Variants in IMMP2L observed in about 807,000 individuals in gnomAD.
IMMP2L encodes the protein inner mitochondrial membrane peptidase subunit 2.
IMMP2L carries 18 observed loss-of-function variants against 19.3 expected under a neutral mutation model. The observed-to-expected ratio is 0.93, with a 90% CI of 0.64 to 1.38. IMMP2L has a LOEUF of 1.38. Ranked by LOEUF, IMMP2L falls within the 40% of genes most tolerant of loss-of-function variation. The pLI, the probability that IMMP2L is intolerant of heterozygous loss-of-function variation, is 0.00. For synonymous variants in IMMP2L, 76 were observed against 73.0 expected, an observed-to-expected ratio of 1.04 and a Z score of -0.21; for missense variants, 233 against 218.2, an observed-to-expected ratio of 1.07 and a Z score of -0.43.
At chr7:111,248,833 G>A (rs1270518215) in intron 3 of IMMP2L, among the ~76,000 whole-genome samples, 293 of 26,986 alleles carry the variant, frequency 0.011, 9 homozygotes, top group African/African-American at 0.063. Flanking sequence ...TAGGCTGCTC[G>A]GGGGTCAGGA....
chr7:110,818,549 G>A (rs1388090660), intron 5 of IMMP2L, among the ~76,000 whole-genome samples: 5 of 152,174 alleles, frequency 3.3e-5, no homozygotes, highest in South Asian at 2.1e-4. Flanking sequence ...TGTGGAAGTT[G>A]GTGTGGCGAT....
intron 3 of IMMP2L, among the ~76,000 whole-genome samples, chr7:111,335,701 G>A (rs1826330094): frequency 6.6e-6 from 1 of 152,070 alleles, no homozygotes; most frequent in Admixed American, 6.6e-5. Flanking sequence ...AAAAGAATGA[G>A]TTTGAGCTAC....
intron 4 of IMMP2L, among the ~76,000 whole-genome samples, chr7:110,925,559 T>G (rs1249883177): frequency 6.6e-6 from 1 of 152,090 alleles, no homozygotes; most frequent in African/African-American, 2.4e-5. Context: ...TTCTTTATAA[T>G]CTCCTGCTTC....
intron 3 of IMMP2L, among the ~76,000 whole-genome samples, chr7:111,205,137 C>T (rs1810559185): frequency 6.6e-6 from 1 of 152,162 alleles, no homozygotes; most frequent in Non-Finnish European, 1.5e-5. Flanking sequence ...TGTGTCTTCA[C>T]ATGGCAGAGG....
rs146178765 is a variant in IMMP2L, at chr7:110,824,201, AC to A, written c.408+62391del. On this transcript the variant is annotated intron_variant, in intron 5 of 5. Transcript: ENST00000405709. ...AAGACAAAAAATGGATACGTAAATA[AC>A]AAAATATGAAAGGGTATGAAATGAG... Among the ~76,000 whole-genome samples the A allele has an allele frequency of 3.3e-3, 500 of 152,258 alleles. 7 individuals carry two copies. The highest frequency in any genetic ancestry group is 0.011 in the African/African-American group (471 of 41,562).
chr7:110,885,013 G>A (rs1382164861), intron 5 of IMMP2L, among the ~76,000 whole-genome samples: 1 of 151,790 alleles, frequency 6.6e-6, no homozygotes, highest in Admixed American at 6.6e-5. Flanking sequence ...CATACTATGT[G>A]AAAGAAATTA....
chr7:110,824,369 C>A (rs1803279759), intron 5 of IMMP2L, among the ~76,000 whole-genome samples: 2 of 152,020 alleles, frequency 1.3e-5, no homozygotes, highest in African/African-American at 4.8e-5. Flanking sequence ...TTTTCTGCAG[C>A]TATTTTAATA....
At chr7:111,030,152 A>T (rs888952010) in intron 3 of IMMP2L, among the ~76,000 whole-genome samples, 19 of 152,156 alleles carry the variant, frequency 1.2e-4, no homozygotes, top group South Asian at 4.1e-4. Context: ...AATGACAAAG[A>T]TGTGCAGAGT....
chr7:110,846,452 G>A (rs772812434), intron 5 of IMMP2L, among the ~76,000 whole-genome samples: 8 of 148,610 alleles, frequency 5.4e-5, no homozygotes, highest in Non-Finnish European at 8.9e-5. Context: ...TGCAAATTCC[G>A]CCTCCCAGGT....
intron 3 of IMMP2L, among the ~76,000 whole-genome samples, chr7:111,015,334 A>T (rs903936171): frequency 6.6e-6 from 1 of 152,164 alleles, no homozygotes; most frequent in Non-Finnish European, 1.5e-5. Flanking sequence ...ATTCCATTTA[A>T]ATGAGGTATC....
intron 3 of IMMP2L, among the ~76,000 whole-genome samples, chr7:111,364,298 T>C (rs1301216272): frequency 2.6e-5 from 4 of 152,110 alleles, no homozygotes; most frequent in African/African-American, 9.7e-5. Flanking sequence ...AGTGTTCTTA[T>C]GTCATCTGCT....
chr7:110,900,677 C>A (rs1377346454), intron 4 of IMMP2L, among the ~76,000 whole-genome samples: 2 of 152,132 alleles, frequency 1.3e-5, no homozygotes, highest in Non-Finnish European at 2.9e-5. Context: ...ACATTTTGAG[C>A]CAAACAATAG....
intron 3 of IMMP2L, among the ~76,000 whole-genome samples, chr7:111,126,348 G>C (rs1562826838): frequency 6.6e-6 from 1 of 152,080 alleles, no homozygotes; most frequent in Non-Finnish European, 1.5e-5. Flanking sequence ...ATTAGTAGTA[G>C]AAGTTTAACA....
chr7:110,909,966 A>G lies in IMMP2L; in HGVS notation c.306-23271T>C, dbSNP rs573787226. On this transcript the variant is annotated intron_variant, in intron 4 of 5. Coordinates refer to ENST00000405709, the MANE Select transcript of IMMP2L (RefSeq NM_032549.4). ...AGAGAGAGAGACCATTAAAACAGTA[A>G]ATGTGCCAAGGAAGGAGATAGAATA... Among the ~76,000 whole-genome samples, 90 of 147,872 alleles carry G rather than the reference A, an allele frequency of 6.1e-4. 1 individual carries two copies. The highest frequency in any genetic ancestry group is 2.3e-3 in the African/African-American group (87 of 37,516).
intron 3 of IMMP2L, among the ~76,000 whole-genome samples, chr7:111,216,103 G>T (rs537319457): frequency 2.0e-5 from 3 of 151,880 alleles, no homozygotes; most frequent in Non-Finnish European, 4.4e-5. Context: ...TTTGCCTTTG[G>T]ATCATTCCAG....
Position 111,141,440 on chromosome 7 carries a change from C to CT in IMMP2L, c.240-177876dup, listed in dbSNP as rs906005789. Reference sequence around the variant, plus strand: ...TAGTATGCCAGGGTTACATTTCTTTCTTTTTTTTTTGTATAATTTTGTATT... The same window carrying CT: ...TAGTATGCCAGGGTTACATTTCTTTCTTTTTTTTTTTGTATAATTTTGTATT... On this transcript the variant is annotated intron_variant, in intron 3 of 5. Transcript: ENST00000405709. Among the ~76,000 whole-genome samples, 140 of 147,726 alleles carry CT rather than the reference C, an allele frequency of 9.5e-4. 1 individual carries two copies. Among genetic ancestry groups the CT allele is most frequent in the Middle Eastern group, 3.5e-3 (1 of 286 alleles).
intron 4 of IMMP2L, among the ~76,000 whole-genome samples, chr7:110,947,935 T>C (rs1194341154): frequency 1.3e-5 from 2 of 152,202 alleles, no homozygotes; most frequent in African/African-American, 4.8e-5. Flanking sequence ...GAGCCCAAAG[T>C]TAATGACTTG....
chr7:111,054,512 A>C (rs1307028463), intron 3 of IMMP2L, among the ~76,000 whole-genome samples: 1 of 152,232 alleles, frequency 6.6e-6, no homozygotes, highest in Non-Finnish European at 1.5e-5. Context: ...TTTACCAATG[A>C]GCTATGTCCC....
rs1376089959 is a variant in IMMP2L at position 111,294,308 on chromosome 7, G to C, written c.239+192930C>G. Among the ~76,000 whole-genome samples the C allele has an allele frequency of 2.0e-5, 3 of 151,938 alleles. No homozygotes were observed. The East Asian group carries it at 5.8e-4, about 29-fold the overall frequency. On this transcript the variant is annotated intron_variant, in intron 3 of 5. Transcript: ENST00000405709. ...AGATTTTTCTCAATAATTACACCAG[G>C]AACATGGGCATAAACCTAAACTGTC...
Sources: allele counts gnomAD v4.1 joint callset (sites outside exome capture counted in the v4.1 genomes callset), GRCh38; gene constraint gnomAD v4.1.1; transcripts MANE v1.5; gene names NCBI Gene and HGNC (gene_info 2026-07-23, HGNC 2026-07-21).